The following ANO3 variants were observed in gnomAD, a reference collection of about 807,000 sequenced individuals.
The protein encoded by ANO3 is anoctamin-3.
A neutral mutation model predicts 144.8 loss-of-function variants in ANO3; 99 were observed. The observed-to-expected ratio is 0.68, with a 90% confidence interval of 0.58 to 0.81. ANO3 has a LOEUF of 0.81. Ranked by LOEUF, ANO3 falls within the 30% of genes least tolerant of loss-of-function variation. The pLI is 0.00. For missense variants in ANO3, 905 were observed against 1,202.2 expected (o/e 0.75, Z 3.66); for synonymous variants, 414 against 392.6 (o/e 1.05, Z -0.64).
intron 18 of ANO3, among the ~76,000 whole-genome samples, chr11:26,628,713 T>C (rs1022545952): frequency 6.6e-6 from 1 of 152,198 alleles, no homozygotes; most frequent in Non-Finnish European, 1.5e-5. Context: ...GGACAACAAC[T>C]TATTATTTTT....
chr11:26,518,460 A>G (rs1418737985), intron 6 of ANO3, among the ~76,000 whole-genome samples: 2 of 152,024 alleles, frequency 1.3e-5, no homozygotes, highest in Non-Finnish European at 2.9e-5. Flanking sequence ...AGATATGGTT[A>G]ATAATCACCT....
chr11:26,565,602 T>A, intron 14 of ANO3: 1 of 1,613,218 alleles, frequency 6.2e-7, no homozygotes, highest in Non-Finnish European at 8.5e-7. Flanking sequence ...ACTGGAGAAA[T>A]CTGTTATTCC....
intron 17 of ANO3, among the ~76,000 whole-genome samples, chr11:26,611,146 G>A (rs983094631): frequency 6.6e-6 from 1 of 151,836 alleles, no homozygotes; most frequent in African/African-American, 2.4e-5. Context: ...TCTGCTCTGA[G>A]CTTTATTATT....
At chr11:26,600,961 A>T (rs1461423891) in intron 17 of ANO3, among the ~76,000 whole-genome samples, 1 of 152,162 alleles carries the variant, frequency 6.6e-6, no homozygotes, top group Non-Finnish European at 1.5e-5. Context: ...GAGTATGCAT[A>T]GGCCTACCTC....
intron 18 of ANO3, among the ~76,000 whole-genome samples, chr11:26,627,592 A>C (rs1253660618): frequency 6.6e-6 from 1 of 152,068 alleles, no homozygotes; most frequent in Non-Finnish European, 1.5e-5. Flanking sequence ...GATTGAAGCA[A>C]ATCTAAGGAG....
chr11:26,298,601 A>G (rs1854146883), intron 1 of ANO3, among the ~76,000 whole-genome samples: 1 of 152,184 alleles, frequency 6.6e-6, no homozygotes, highest in Admixed American at 6.5e-5. Flanking sequence ...AAAGGTTTTA[A>G]ACAAAGGAGT....
In ANO3 at chr11:26,563,240, G is replaced by T. The variant is rs761084763; in HGVS notation, c.1447+3461G>T. The T allele has an allele frequency of 4.4e-6, 7 of 1,606,698 alleles. No individual in the cohort carries two copies. In the South Asian group the frequency reaches 7.8e-5, roughly 18 times the overall value. ...CCAGAATAGCACCTAAAATGGCCCCGAATACTATTCCTGTATTTCTATTTT... is the reference window on the plus strand; with the variant it reads ...CCAGAATAGCACCTAAAATGGCCCCTAATACTATTCCTGTATTTCTATTTT... On this transcript the variant is annotated intron_variant, in intron 14 of 26. Transcript: ENST00000256737.
chr11:26,364,669 T>A (rs1000541281), intron 1 of ANO3, among the ~76,000 whole-genome samples: 1 of 152,006 alleles, frequency 6.6e-6, no homozygotes, highest in African/African-American at 2.4e-5. Flanking sequence ...AAAAACTAGA[T>A]CTGATGAAAA....
At chr11:26,569,922 T>C (rs1850752622) in intron 14 of ANO3, among the ~76,000 whole-genome samples, 1 of 151,714 alleles carries the variant, frequency 6.6e-6, no homozygotes, top group Non-Finnish European at 1.5e-5. Flanking sequence ...CAGTAATGAT[T>C]TCACCTCCTG....
In ANO3 at chr11:26,443,824, G is replaced by A. The variant is rs777889841; in HGVS notation, c.301G>A (p.Asp101Asn). ...GAGATGTTCATTTGCTGACCTCAGC[G>A]ATTTTTGTTTGGGTAAGTTGATAAT... ...VLRCSFADLS[D>N]FCLALGKDKD... Residue 101 changes from aspartate (D) to asparagine (N), a missense_variant, in exon 3 of 27, where the codon GAT becomes AAT. By Grantham distance (23) the Asp-to-Asn change is conservative (BLOSUM62 1). This residue lies in a region of ANO3 where 174 missense variants were observed against 171.9 expected (regional missense o/e 1.01). Transcript: ENST00000256737. The A allele has an allele frequency of 9.3e-6, 15 of 1,611,614 alleles. No homozygotes were observed. The highest frequency in any genetic ancestry group is 1.7e-5 in the Admixed American group (1 of 59,824).
chr11:26,454,643 G>T (rs1859080278), intron 3 of ANO3, among the ~76,000 whole-genome samples: 1 of 151,126 alleles, frequency 6.6e-6, no homozygotes. Context: ...AATTCTACCA[G>T]AGGTACAAGG....
chr11:26,191,110 C>G (rs975690191), intron 1 of ANO3, among the ~76,000 whole-genome samples: 2 of 152,004 alleles, frequency 1.3e-5, no homozygotes, highest in Admixed American at 6.6e-5. Flanking sequence ...AACCCTGTGT[C>G]TACTAAAAAT....
At chr11:26,545,637 G>A (rs974689891) in intron 11 of ANO3, among the ~76,000 whole-genome samples, 2 of 151,532 alleles carry the variant, frequency 1.3e-5, no homozygotes, top group Non-Finnish European at 2.9e-5. Context: ...TTTCCACATG[G>A]TTTCATTGTA....
intron 20 of ANO3, among the ~76,000 whole-genome samples, chr11:26,637,665 G>A (rs766083503): frequency 5.9e-5 from 9 of 152,150 alleles, no homozygotes; most frequent in African/African-American, 9.7e-5. Flanking sequence ...GCTTGGATGC[G>A]AGAATTTAGA....
intron 24 of ANO3, among the ~76,000 whole-genome samples, chr11:26,651,627 T>C (rs1853535644): frequency 6.6e-6 from 1 of 152,254 alleles, no homozygotes; most frequent in East Asian, 1.9e-4. Context: ...AAATTATTTT[T>C]GTTTTTAAAT....
intron 1 of ANO3, among the ~76,000 whole-genome samples, chr11:26,265,066 C>T (rs919973497): frequency 2.0e-5 from 3 of 151,994 alleles, no homozygotes; most frequent in African/African-American, 7.2e-5. Context: ...AGGAGAATTG[C>T]TTTTCACCAA....
intron 1 of ANO3, among the ~76,000 whole-genome samples, chr11:26,242,406 C>T (rs1229590309): frequency 6.6e-6 from 1 of 152,120 alleles, no homozygotes; most frequent in Non-Finnish European, 1.5e-5. Flanking sequence ...ATCTCCAAGG[C>T]CAAGTTTAGA....
At chr11:26,271,048 CA>C (rs1463545342) in intron 1 of ANO3, among the ~76,000 whole-genome samples, 2 of 152,118 alleles carry the variant, frequency 1.3e-5, no homozygotes, top group South Asian at 2.1e-4. Flanking sequence ...GGACAGGGAC[CA>C]GATCTTGGAG....
intron 4 of ANO3, among the ~76,000 whole-genome samples, chr11:26,507,856 T>C (rs1182035525): frequency 1.3e-5 from 2 of 152,234 alleles, no homozygotes; most frequent in Non-Finnish European, 2.9e-5. Context: ...TGCATTTTTA[T>C]GCCAGCACCA....
Sources: allele counts gnomAD v4.1 joint callset (sites outside exome capture counted in the v4.1 genomes callset), GRCh38; gene constraint gnomAD v4.1.1; regional missense constraint gnomAD v4.1.1; transcripts MANE v1.5; gene names NCBI Gene and HGNC (gene_info 2026-07-23, HGNC 2026-07-21).